Variants in CACNB2 observed in about 807,000 individuals in gnomAD.
CACNB2 encodes calcium voltage-gated channel auxiliary subunit beta 2.
A neutral mutation model predicts 73.3 loss-of-function variants in CACNB2; 42 were observed. The observed-to-expected ratio is 0.57, with a 90% confidence interval of 0.45 to 0.74. The LOEUF (loss-of-function observed/expected upper bound fraction) is 0.74, where lower values mean the gene tolerates loss of function less well. Ranked by LOEUF, CACNB2 falls within the 30% of genes least tolerant of loss-of-function variation. CACNB2 has a pLI of 0.00. For missense variants in CACNB2, 940 were observed against 853.0 expected, an observed-to-expected ratio of 1.10 and a Z score of -1.27; for synonymous variants, 348 against 310.3, an observed-to-expected ratio of 1.12 and a Z score of -1.28.
intron 2 of CACNB2, among the ~76,000 whole-genome samples, chr10:18,353,364 T>G (rs1012641283): frequency 1.3e-5 from 2 of 151,882 alleles, no homozygotes; most frequent in Non-Finnish European, 2.9e-5. Flanking sequence ...GAGCTGAGAT[T>G]GTGCTGCTGC....
Position 18,536,084 on chromosome 10 carries a change from CTCATTA to C in CACNB2, c.1207-14_1207-9del. On this transcript the variant is annotated splice_polypyrimidine_tract_variant and intron_variant, in intron 11 of 13. Transcript: ENST00000324631. ...GATGTAGTTATTACTCTGTTAAAAACTCATTATCTTTTACAGGTTTTACAAAGGTTA... is the reference window on the plus strand; with the variant it reads ...GATGTAGTTATTACTCTGTTAAAAACTCTTTTACAGGTTTTACAAAGGTTA... 6.7e-7 allele frequency: 1 copy of C among 1,484,084 alleles called. No homozygotes were observed. Among genetic ancestry groups the C allele is most frequent in the Non-Finnish European group, 9.4e-7 (1 of 1,062,574 alleles). 91.9% of individuals were successfully genotyped at this position (1,484,084 alleles called of 1,614,324 possible).
intron 9 of CACNB2, among the ~76,000 whole-genome samples, chr10:18,524,205 CG>C (rs2052209641): frequency 6.7e-6 from 1 of 149,222 alleles, no homozygotes; most frequent in Admixed American, 6.6e-5. Flanking sequence ...GATAAATTCA[CG>C]GTTTTTTTTT....
At chr10:18,509,754 C>G (rs1022226511) in intron 6 of CACNB2, among the ~76,000 whole-genome samples, 1 of 152,120 alleles carries the variant, frequency 6.6e-6, no homozygotes, top group Non-Finnish European at 1.5e-5. Context: ...TATGTCACTG[C>G]ACTCCAGCCT....
chr10:18,513,439 G>A (rs1417612762), intron 6 of CACNB2: 2 of 213,678 alleles, frequency 9.4e-6, no homozygotes, highest in Non-Finnish European at 9.5e-6. Flanking sequence ...TTGAGTAGTC[G>A]CTGTCAACTT....
At chr10:18,404,546 C>A (rs2044178466) in intron 3 of CACNB2, among the ~76,000 whole-genome samples, 2 of 152,276 alleles carry the variant, frequency 1.3e-5, no homozygotes, top group African/African-American at 4.8e-5. Flanking sequence ...CAGACATTTT[C>A]TACATTTACT....
At chr10:18,372,469 G>A (rs1180656931) in intron 2 of CACNB2, among the ~76,000 whole-genome samples, 2 of 152,122 alleles carry the variant, frequency 1.3e-5, no homozygotes, top group Non-Finnish European at 2.9e-5. Flanking sequence ...GTGCAACGGA[G>A]TATCTCGGCT....
At chr10:18,193,824 C>A (rs892731202) in intron 2 of CACNB2, among the ~76,000 whole-genome samples, 1 of 152,156 alleles carries the variant, frequency 6.6e-6, no homozygotes, top group Non-Finnish European at 1.5e-5. Context: ...CCTCTGGGTG[C>A]TCATGAAGCA....
chr10:18,281,826 A>G (rs372021213), intron 2 of CACNB2, among the ~76,000 whole-genome samples: 5 of 151,946 alleles, frequency 3.3e-5, no homozygotes, highest in Non-Finnish European at 7.4e-5. Context: ...TAAAAATACA[A>G]AAAATTAGCC....
chr10:18,386,504 A>T (rs1218959536), intron 2 of CACNB2, among the ~76,000 whole-genome samples: 3 of 139,998 alleles, frequency 2.1e-5, no homozygotes, highest in Admixed American at 8.0e-5. Flanking sequence ...CTGGGTTTGC[A>T]CCATTCTCCT....
chr10:18,470,218 G>T (rs1402632368), intron 3 of CACNB2, among the ~76,000 whole-genome samples: 1 of 151,280 alleles, frequency 6.6e-6, no homozygotes, highest in Non-Finnish European at 1.5e-5. Context: ...CAGGCATGGT[G>T]CCTCATGCAT....
chr10:18,274,069 A>T (rs2038171834), intron 2 of CACNB2, among the ~76,000 whole-genome samples: 1 of 152,154 alleles, frequency 6.6e-6, no homozygotes, highest in Non-Finnish European at 1.5e-5. Flanking sequence ...CTAACCTCTA[A>T]CTTTGACATC....
chr10:18,384,964 AATC>A (rs2043163348), intron 2 of CACNB2, among the ~76,000 whole-genome samples: 1 of 151,996 alleles, frequency 6.6e-6, no homozygotes, highest in Admixed American at 6.6e-5. Flanking sequence ...TGAACAGTAG[AATC>A]ACATGCAGAA....
In CACNB2 at chr10:18,259,628, G is replaced by T. The variant is rs549283842; in HGVS notation, c.213+108653G>T. On this transcript the variant is annotated intron_variant, in intron 2 of 13. Transcript: ENST00000324631. ...CACCTGTAGTCCCAGCTACTCAGGA[G>T]TCTGAGGCAGGAGAATTGCTTGAGC... is the stretch of plus-strand genomic sequence containing the variant. Among the ~76,000 whole-genome samples, 19 of 151,120 alleles carry T rather than the reference G, an allele frequency of 1.3e-4. No homozygotes were observed. The East Asian group carries it at 2.3e-3, about 19-fold the overall frequency.
chr10:18,159,431 C>G (rs2032296750), intron 2 of CACNB2, among the ~76,000 whole-genome samples: 1 of 152,116 alleles, frequency 6.6e-6, no homozygotes, highest in Non-Finnish European at 1.5e-5. Context: ...TGCAACTGAT[C>G]AGGGATTTTG....
rs117457698 is a variant in CACNB2, at chr10:18,510,063, T to C, written c.670+3516T>C. ...TGCTTCTTAACTGCCTTGGTAAGTT[T>C]CTTTAATATGTTTTGAAAGTGACCA... On this transcript the variant is annotated intron_variant, in intron 6 of 13. Transcript: ENST00000324631. Among the ~76,000 whole-genome samples the C allele has an allele frequency of 6.1e-3, 936 of 152,318 alleles. 3 individuals are homozygous for C. The highest frequency in any genetic ancestry group is 0.014 in the Middle Eastern group (4 of 294).
intron 9 of CACNB2, among the ~76,000 whole-genome samples, chr10:18,522,661 T>G (rs990152588): frequency 1.3e-5 from 2 of 151,804 alleles, no homozygotes; most frequent in Non-Finnish European, 2.9e-5. Context: ...GGGTGGATAA[T>G]GAGGTCAAGT....
At chr10:18,227,863 A>T (rs2036058543) in intron 2 of CACNB2, among the ~76,000 whole-genome samples, 1 of 152,254 alleles carries the variant, frequency 6.6e-6, no homozygotes, top group Non-Finnish European at 1.5e-5. Flanking sequence ...ACTGGGGCTC[A>T]TCAGAAGTCA....
chr10:18,176,570 C>T (rs1363630644), intron 2 of CACNB2, among the ~76,000 whole-genome samples: 3 of 151,384 alleles, frequency 2.0e-5, no homozygotes, highest in African/African-American at 7.3e-5. Context: ...GTCACAATTC[C>T]TATAGTTGAG....
At chr10:18,228,744 T>G (rs939307786) in intron 2 of CACNB2, among the ~76,000 whole-genome samples, 11 of 152,138 alleles carry the variant, frequency 7.2e-5, no homozygotes, top group African/African-American at 2.6e-4. Flanking sequence ...TTAATGGATT[T>G]TTTTTTTCTT....
Sources: gnomAD v4.1 joint callset for allele counts (sites outside exome capture counted in the v4.1 genomes callset) on GRCh38, gnomAD v4.1.1 for gene constraint, MANE v1.5 for transcripts, NCBI Gene and HGNC (gene_info 2026-07-23, HGNC 2026-07-21) for gene names.